PTPRN2: variants seen among roughly 807,000 people sequenced by gnomAD.
PTPRN2 encodes the protein protein tyrosine phosphatase receptor type N2.
A neutral mutation model predicts 118.8 loss-of-function variants in PTPRN2; 74 were observed. The observed-to-expected ratio is 0.62, with a 90% CI of 0.52 to 0.76. PTPRN2 has a LOEUF of 0.76. PTPRN2 is among the 30% of genes least tolerant of loss of function. The pLI is 0.00. For missense variants in PTPRN2, 1,481 were observed against 1,394.4 expected, an observed-to-expected ratio of 1.06 and a Z score of -0.99; for synonymous variants, 641 against 608.0, an observed-to-expected ratio of 1.05 and a Z score of -0.80.
intron 12 of PTPRN2, among the ~76,000 whole-genome samples, chr7:157,790,050 T>TTGTGTGGTGTGAATG (rs1804360603): frequency 3.0e-5 from 2 of 66,128 alleles, no homozygotes; most frequent in Admixed American, 1.8e-4. Flanking sequence ...TGTGTGGTGT[T>TTGTGTGGTGTGAATG]TGTGTGGTGT....
At chr7:157,631,780 C>T (rs1020517598) in intron 14 of PTPRN2, among the ~76,000 whole-genome samples, 14 of 149,258 alleles carry the variant, frequency 9.4e-5, no homozygotes, top group Non-Finnish European at 1.6e-4. Flanking sequence ...TGCAGTGAGC[C>T]GAGATTGTGC....
At position 157,779,811 on chromosome 7, in the gene PTPRN2, TG is replaced by T. The variant is rs1333602069; in HGVS notation, c.1789-96875del. 6.6e-6 allele frequency among the ~76,000 whole-genome samples: 1 copy of T among 152,164 alleles called. No homozygotes were observed. The highest frequency in any genetic ancestry group is 6.5e-5 in the Admixed American group (1 of 15,278). ...AGGTCATCAGCCTGAGGAAGAGTGC[TG>T]GGTGATTTCATTCTCCCTGGTTGCT... On this transcript the variant is annotated intron_variant, in intron 12 of 22. Transcript: ENST00000389418. The surrounding 1 kb of genome is among the most constrained non-coding windows in gnomAD (Gnocchi z 4.7).
intron 3 of PTPRN2, among the ~76,000 whole-genome samples, chr7:158,216,973 T>C (rs1318355523): frequency 6.6e-6 from 1 of 152,146 alleles, no homozygotes; most frequent in African/African-American, 2.4e-5. Flanking sequence ...TGTTATAAAA[T>C]AATCCATGGG....
chr7:157,909,622 G>C (rs1797971671), intron 11 of PTPRN2, among the ~76,000 whole-genome samples: 1 of 152,246 alleles, frequency 6.6e-6, no homozygotes, highest in South Asian at 2.1e-4. Context: ...TGTACCTGCT[G>C]TTTGTTCCTG....
intron 9 of PTPRN2, among the ~76,000 whole-genome samples, chr7:158,118,537 CCCT>C (rs1460138199): frequency 3.3e-5 from 5 of 152,050 alleles, no homozygotes; most frequent in Admixed American, 1.3e-4. Context: ...TGACAGAAGT[CCCT>C]CCTCATCATT....
intron 12 of PTPRN2, among the ~76,000 whole-genome samples, chr7:157,738,417 G>A (rs959204975): frequency 1.3e-5 from 2 of 152,180 alleles, no homozygotes; most frequent in African/African-American, 4.8e-5. Context: ...GGGACTCATG[G>A]AAGCATTTGG....
At chr7:157,705,362 A>T (rs1329114489) in intron 12 of PTPRN2, among the ~76,000 whole-genome samples, 1 of 152,210 alleles carries the variant, frequency 6.6e-6, no homozygotes, top group Non-Finnish European at 1.5e-5. Flanking sequence ...AATGAAGCCC[A>T]GAGTGACAAG....
chr7:157,613,602 C>T (rs974234425), intron 15 of PTPRN2, among the ~76,000 whole-genome samples: 2 of 152,204 alleles, frequency 1.3e-5, no homozygotes, highest in Non-Finnish European at 2.9e-5. Context: ...CCTCTTCCCG[C>T]GGGAGGAGGC....
At chr7:158,016,060 G>T (rs1205337455) in intron 11 of PTPRN2, among the ~76,000 whole-genome samples, 1 of 152,150 alleles carries the variant, frequency 6.6e-6, no homozygotes, top group Admixed American at 6.5e-5. Context: ...GTTTTTCCTC[G>T]TTCAGGGAAT....
At chr7:158,047,446 G>A (rs928104479) in intron 11 of PTPRN2, among the ~76,000 whole-genome samples, 2 of 152,264 alleles carry the variant, frequency 1.3e-5, no homozygotes, top group Non-Finnish European at 2.9e-5. Flanking sequence ...GAGGCCACTT[G>A]TGCTGTGCGA....
intron 12 of PTPRN2, among the ~76,000 whole-genome samples, chr7:157,738,267 C>A (rs1800416748): frequency 6.6e-6 from 1 of 152,170 alleles, no homozygotes; most frequent in Non-Finnish European, 1.5e-5. Context: ...TTCCTGGCGT[C>A]TGAATTCGAC....
At chr7:158,289,935 A>G (rs1434869329) in intron 3 of PTPRN2, among the ~76,000 whole-genome samples, 2 of 152,206 alleles carry the variant, frequency 1.3e-5, no homozygotes, top group Non-Finnish European at 2.9e-5. Flanking sequence ...CTGGGTTAGC[A>G]GGTGAGTGAG....
intron 2 of PTPRN2, among the ~76,000 whole-genome samples, chr7:158,445,920 C>T (rs76883703): frequency 0.018 from 2,734 of 152,288 alleles, 87 homozygotes; most frequent in African/African-American, 0.063. Flanking sequence ...AGGTAAACCC[C>T]GGCGCCCAGG....
chr7:157,897,938 T>C (rs1797225958), intron 12 of PTPRN2, among the ~76,000 whole-genome samples: 1 of 152,254 alleles, frequency 6.6e-6, no homozygotes, highest in African/African-American at 2.4e-5. Context: ...GACTGACGAG[T>C]GGCCACACGC....
intron 11 of PTPRN2, among the ~76,000 whole-genome samples, chr7:158,002,647 G>T (rs1163637386): frequency 6.6e-6 from 1 of 152,224 alleles, no homozygotes; most frequent in Non-Finnish European, 1.5e-5. Flanking sequence ...GGACACCACG[G>T]GGGTCAGGGA....
intron 20 of PTPRN2, among the ~76,000 whole-genome samples, chr7:157,570,733 C>T (rs904040991): frequency 1.3e-5 from 2 of 152,186 alleles, no homozygotes; most frequent in African/African-American, 4.8e-5. Context: ...TGACAGATTT[C>T]GTCCCTGTAC....
intron 12 of PTPRN2, among the ~76,000 whole-genome samples, chr7:157,777,272 C>T (rs557997112): frequency 3.9e-5 from 6 of 152,238 alleles, no homozygotes; most frequent in South Asian, 2.1e-4. Flanking sequence ...ATTGGAAACA[C>T]GCCCATGTCG....
intron 1 of PTPRN2, among the ~76,000 whole-genome samples, chr7:158,521,929 G>C (rs1824135656): frequency 1.0e-5 from 1 of 97,404 alleles, no homozygotes; most frequent in South Asian, 3.8e-4. Flanking sequence ...TCACAATGGT[G>C]GACTGTCCGG....
At chr7:158,481,188 A>G (rs1395660447) in intron 2 of PTPRN2, among the ~76,000 whole-genome samples, 1 of 152,246 alleles carries the variant, frequency 6.6e-6, no homozygotes, top group Non-Finnish European at 1.5e-5. Flanking sequence ...GCCCTTAAGA[A>G]TCATGCTAAA....
Sources: allele counts gnomAD v4.1 joint callset (sites outside exome capture counted in the v4.1 genomes callset), GRCh38; gene constraint gnomAD v4.1.1; non-coding constraint Gnocchi (gnomAD v3.1); transcripts MANE v1.5; gene names NCBI Gene and HGNC (gene_info 2026-07-23, HGNC 2026-07-21).